XYLB: variants seen among roughly 807,000 people sequenced by gnomAD.
XYLB encodes the protein xylulokinase, also known as xylulose kinase.
XYLB carries 62 observed loss-of-function variants against 78.7 expected under a neutral mutation model. The ratio of observed to expected loss-of-function variants is 0.79; its 90% CI spans 0.64 to 0.97. The LOEUF is 0.97. Among genes scored for constraint, XYLB ranks in the 50% least tolerant of loss-of-function variants. XYLB has a pLI of 0.00. For synonymous variants in XYLB, 245 were observed against 247.4 expected, an observed-to-expected ratio of 0.99 and a Z score of 0.09; for missense variants, 687 against 676.8, an observed-to-expected ratio of 1.02 and a Z score of -0.17.
At position 38,362,961 on chromosome 3, in the gene XYLB, A is replaced by C; in HGVS notation, c.235A>C (p.Met79Leu). 6.3e-7 allele frequency: 1 copy of C among 1,585,578 alleles called. No homozygotes were observed. The highest frequency in any genetic ancestry group is 8.6e-7 in the Non-Finnish European group (1 of 1,164,778). ...GGCACTGGATATCATCTTGGAGAAG[A>C]TGAAGGCTTCGGGCTTCGACTTCTC... The part of the protein sequence containing the change: ...VQALDIILEK[M>L]KASGFDFSQV... Residue 79 changes from methionine (M) to leucine (L), a missense_variant, in exon 4 of 19, where the codon ATG becomes CTG. Met to Leu is a conservative substitution (Grantham distance 15, BLOSUM62 2). Coordinates refer to ENST00000207870, the MANE Select transcript of XYLB (RefSeq NM_005108.4).
At chr3:38,424,865 TC>T (rs138737293), downstream of XYLB, among the ~76,000 whole-genome samples, 282 of 152,360 alleles carry the variant, frequency 1.9e-3, 6 homozygotes, top group East Asian at 0.023. Context: ...ATACACCTCT[TC>T]CAGGACCTTT....
At chr3:38,432,597 G>A in the XYLB span, among the ~76,000 whole-genome samples, 4 of 152,042 alleles carry the variant, frequency 2.6e-5, no homozygotes, top group African/African-American at 7.2e-5. Flanking sequence ...TACAATAGAG[G>A]TACAGGCATT....
chr3:38,374,276 C>T (rs950818943), intron 10 of XYLB, among the ~76,000 whole-genome samples, 186 bp from the exon 11 acceptor site: 1 of 152,106 alleles, frequency 6.6e-6, no homozygotes, highest in Admixed American at 6.5e-5. Context: ...GACTTCACCC[C>T]GTGACCCCTA....
At chr3:38,371,316 C>G (rs894561258) in intron 9 of XYLB, among the ~76,000 whole-genome samples, 4 of 151,528 alleles carry the variant, frequency 2.6e-5, no homozygotes, top group Middle Eastern at 3.4e-3. Context: ...TTTTGTCACC[C>G]AGGCTGGAGT....
At chr3:38,437,005 A>AAATAAT in the XYLB span, among the ~76,000 whole-genome samples, 45,343 of 134,404 alleles carry the variant, frequency 0.34, 7,795 homozygotes, top group Admixed American at 0.38. Context: ...CTCCTTCTAA[A>AAATAAT]AATAATAATA....
At chr3:38,437,005 A>AAATAT in the XYLB span, among the ~76,000 whole-genome samples, 1 of 134,806 alleles carries the variant, frequency 7.4e-6, no homozygotes, top group Non-Finnish European at 1.6e-5. Flanking sequence ...CTCCTTCTAA[A>AAATAT]AATAATAATA....
intron 2 of XYLB, 27 bp from the exon 3 acceptor site, chr3:38,360,312 G>C (rs911463959): frequency 6.2e-7 from 1 of 1,608,028 alleles, no homozygotes; most frequent in Non-Finnish European, 8.5e-7. Flanking sequence ...CTGAGGCTCT[G>C]GTCTACATTC....
chr3:38,439,558 C>T, the XYLB span, among the ~76,000 whole-genome samples: 7 of 152,028 alleles, frequency 4.6e-5, no homozygotes, highest in East Asian at 1.9e-4. Context: ...GTCAGGAGAT[C>T]GAGACCAACC....
chr3:38,372,327 C>A, intron 9 of XYLB: 1 of 941,410 alleles, frequency 1.1e-6, no homozygotes, highest in Non-Finnish European at 1.3e-6. Context: ...TTTTTTAATG[C>A]TATATCCAGA....
intron 8 of XYLB, 85 bp downstream of exon 8, chr3:38,368,342 G>C (rs1245410018): frequency 8.2e-7 from 1 of 1,212,576 alleles, no homozygotes; most frequent in Middle Eastern, 2.1e-4. Flanking sequence ...CACCTACCCC[G>C]AGTGGGTGCC....
chr3:38,362,900 T>C, intron 3 of XYLB, 37 bp from the exon 4 acceptor site: 1 of 1,477,322 alleles, frequency 6.8e-7, no homozygotes, highest in Non-Finnish European at 9.0e-7. Context: ...ATTCAGTGGT[T>C]CTGTACAGTC....
chr3:38,360,951 C>T (rs1180224722), intron 3 of XYLB, among the ~76,000 whole-genome samples: 1 of 152,162 alleles, frequency 6.6e-6, no homozygotes, highest in African/African-American at 2.4e-5. Context: ...AGGAGAATCA[C>T]TTGAACTTGG....
chr3:38,415,495 G>C (rs2125686379), downstream of XYLB, among the ~76,000 whole-genome samples: 4 of 152,194 alleles, frequency 2.6e-5, no homozygotes, highest in Middle Eastern at 0.01. Context: ...TATAAAGATA[G>C]TACCCAGCTG....
chr3:38,446,775 G>T, the XYLB span, among the ~76,000 whole-genome samples: 1 of 151,964 alleles, frequency 6.6e-6, no homozygotes, highest in African/African-American at 2.4e-5. Flanking sequence ...AAATCAAAAT[G>T]GACTAAAGAC....
chr3:38,424,461 TC>T (rs1709061937), downstream of XYLB, among the ~76,000 whole-genome samples: 2 of 152,238 alleles, frequency 1.3e-5, no homozygotes, highest in African/African-American at 2.4e-5. Flanking sequence ...ATAATCACTT[TC>T]CAAAGACAAA....
chr3:38,432,025 G>A, the XYLB span, among the ~76,000 whole-genome samples: 42 of 152,170 alleles, frequency 2.8e-4, no homozygotes, highest in African/African-American at 1.0e-3. Flanking sequence ...TGTTCCAAAG[G>A]GGAGACATTG....
rs1284522716 is a variant in XYLB, at chr3:38,414,151, C to T, written c.*1138C>T. 1 of 152,150 alleles carries T rather than the reference C, an allele frequency of 6.6e-6. No individual in the cohort carries two copies. Among genetic ancestry groups the T allele is most frequent in the East Asian group, 1.9e-4 (1 of 5,192 alleles). The allele number at this position is 152,150 out of a possible 1,614,324, so 9.4% of individuals were successfully genotyped here. On this transcript the variant is annotated 3_prime_UTR_variant, in exon 19 of 19. Transcript: ENST00000207870. ...ACTGAGCTCAGGACTCCAGCTAAAT[C>T]AAAATACGCATGTTCTCACCCAGAG...
chr3:38,369,326 C>T (rs550257470), intron 8 of XYLB, among the ~76,000 whole-genome samples: 12 of 152,296 alleles, frequency 7.9e-5, no homozygotes, highest in East Asian at 3.9e-4. Context: ...CATGTCCACC[C>T]GTTCTGCACA....
chr3:38,435,809 A>G, the XYLB span, among the ~76,000 whole-genome samples: 2 of 152,346 alleles, frequency 1.3e-5, no homozygotes, highest in Admixed American at 1.3e-4. Flanking sequence ...AACTATAGAA[A>G]TATATGGAAA....
Sources: allele counts gnomAD v4.1 joint callset (sites outside exome capture counted in the v4.1 genomes callset), GRCh38; gene constraint gnomAD v4.1.1; transcripts MANE v1.5; gene names NCBI Gene and HGNC (gene_info 2026-07-23, HGNC 2026-07-21).